Variants in MED13 observed in about 807,000 individuals in gnomAD.
MED13 encodes mediator of RNA polymerase II transcription subunit 13.
MED13 carries 23 observed loss-of-function variants against 225.2 expected under a neutral mutation model. The ratio of observed to expected loss-of-function variants is 0.10; its 90% CI spans 0.07 to 0.14. MED13 has a LOEUF of 0.14. Ranked by LOEUF, MED13 falls within the 10% of genes least tolerant of loss-of-function variation. The pLI is 1.00. For missense variants in MED13, 2,197 were observed against 2,594.5 expected, an observed-to-expected ratio of 0.85 and a Z score of 3.33; for synonymous variants, 942 against 889.2, an observed-to-expected ratio of 1.06 and a Z score of -1.06.
intron 2 of MED13, among the ~76,000 whole-genome samples, chr17:62,060,735 T>C (rs1410846429): frequency 6.6e-6 from 1 of 151,514 alleles, no homozygotes; most frequent in African/African-American, 2.4e-5. Context: ...AGTCTCACTC[T>C]GTCGCCCAGG....
Position 61,950,868 on chromosome 17 carries a change from G to T in MED13, c.6248C>A (p.Ser2083Ter). Residue 2083 changes from serine to a stop codon, truncating the protein, a stop_gained, in exon 28 of 30, where the codon TCA (serine) becomes TAA (stop). Transcript: ENST00000397786. LOFTEE classifies it high-confidence loss of function. The stretch of plus-strand genomic sequence containing the variant: ...CTGATATTGTGCTTGAGGACATGCT[G>T]ACCAGAACCAGTCAGGTAATGGACC... ...KAGPLPDWFW[S>*]ACPQAQYQCP... 1.2e-6 allele frequency: 2 copies of T among 1,613,838 alleles called. No homozygotes were observed. Among genetic ancestry groups the T allele is most frequent in the South Asian group, 2.2e-5 (2 of 91,006 alleles).
intron 11 of MED13, among the ~76,000 whole-genome samples, 197 bp downstream of exon 11, chr17:61,992,343 T>C (rs1405928711): frequency 2.0e-5 from 3 of 152,150 alleles, no homozygotes; most frequent in Non-Finnish European, 2.9e-5. Context: ...CTGCAACAAT[T>C]AAAAACACAA....
chr17:61,947,293 A>G (rs2079859012), intron 28 of MED13, among the ~76,000 whole-genome samples: 1 of 151,782 alleles, frequency 6.6e-6, no homozygotes, highest in South Asian at 2.1e-4. Context: ...TTGGCCTCCC[A>G]AAGTGCTGGG....
intron 3 of MED13, among the ~76,000 whole-genome samples, chr17:62,043,090 A>G (rs1025674109): frequency 1.5e-5 from 2 of 132,384 alleles, no homozygotes; most frequent in Non-Finnish European, 3.1e-5. Flanking sequence ...CAGGAGGCAG[A>G]GGTTGGAGTG....
At chr17:61,966,673 G>A (rs1283241430) in intron 18 of MED13, 22 bp from the exon 19 acceptor site, 1 of 1,485,580 alleles carries the variant, frequency 6.7e-7, no homozygotes, top group South Asian at 1.3e-5. Context: ...CATACAGAAA[G>A]CAGAATTAGT....
chr17:62,025,703 A>C (rs2080694563), intron 8 of MED13, among the ~76,000 whole-genome samples: 1 of 152,162 alleles, frequency 6.6e-6, no homozygotes, highest in African/African-American at 2.4e-5. Context: ...GGCCATACAA[A>C]ACAGGCAGTG....
intron 9 of MED13, among the ~76,000 whole-genome samples, chr17:62,008,407 A>C (rs2080475085): frequency 6.6e-6 from 1 of 151,736 alleles, no homozygotes; most frequent in African/African-American, 2.4e-5. Flanking sequence ...CCTGCTACAC[A>C]GATTCTTGTG....
In MED13 at chr17:62,016,373, A is replaced by C. The variant is rs1278359410; in HGVS notation, c.1284-5140T>G. 2.0e-5 allele frequency among the ~76,000 whole-genome samples: 3 copies of C among 152,122 alleles called. 1 individual carries two copies. Among genetic ancestry groups the C allele is most frequent in the Non-Finnish European group, 1.5e-5 (1 of 68,018 alleles). Reference sequence around the variant, plus strand: ...TTTTTGAATACTTTCAATGACAAGGACCATACTACTGTATAAGGAGATGCA... The same window carrying C: ...TTTTTGAATACTTTCAATGACAAGGCCCATACTACTGTATAAGGAGATGCA... On this transcript the variant is annotated intron_variant, in intron 8 of 29. Coordinates refer to ENST00000397786, the MANE Select transcript of MED13 (RefSeq NM_005121.3).
At chr17:62,008,931 A>G (rs1457994704) in intron 9 of MED13, among the ~76,000 whole-genome samples, 1 of 152,222 alleles carries the variant, frequency 6.6e-6, no homozygotes, top group Non-Finnish European at 1.5e-5. Context: ...AGCTACATTA[A>G]AAAATAAACA....
Position 62,047,555 on chromosome 17 carries a change from G to A in MED13, c.470+4982C>T, listed in dbSNP as rs2080909319. Among the ~76,000 whole-genome samples, 7 of 151,994 alleles carry A rather than the reference G, an allele frequency of 4.6e-5. No homozygotes were observed. The South Asian group carries it at 1.5e-3, about 32-fold the overall frequency. On this transcript the variant is annotated intron_variant, in intron 3 of 29. Coordinates refer to ENST00000397786, the MANE Select transcript of MED13 (RefSeq NM_005121.3). Reference sequence around the variant, plus strand: ...AACATCACAGACTGGGGCCTGTTAGGGGATAGGGAGCATGGAGAGGGAGAG... The same window carrying A: ...AACATCACAGACTGGGGCCTGTTAGAGGATAGGGAGCATGGAGAGGGAGAG...
At chr17:61,966,377 A>G (rs758036647) in intron 19 of MED13, 85 bp downstream of exon 19, 46 of 1,096,370 alleles carry the variant, frequency 4.2e-5, no homozygotes, top group Non-Finnish European at 4.1e-5. Context: ...CTGTGTTCCA[A>G]TAAAATTTTA....
chr17:62,028,064 G>A (rs1042217571), intron 8 of MED13, among the ~76,000 whole-genome samples: 2 of 152,114 alleles, frequency 1.3e-5, no homozygotes, highest in African/African-American at 4.8e-5. Flanking sequence ...TATACCCAGG[G>A]AATATAAATC....
At chr17:62,035,161 T>C (rs1226139247) in intron 4 of MED13, among the ~76,000 whole-genome samples, 1 of 151,996 alleles carries the variant, frequency 6.6e-6, no homozygotes, top group Admixed American at 6.6e-5. Flanking sequence ...ATATGGCTTA[T>C]ATGACCTGAC....
At chr17:62,030,981 GCT>G (rs1348603962) in intron 6 of MED13, 8 of 152,490 alleles carry the variant, frequency 5.2e-5, no homozygotes, top group African/African-American at 1.7e-4. Flanking sequence ...GCAATGGGCT[GCT>G]CTGTTGGAGT....
chr17:62,011,628 T>C (rs944535186), intron 8 of MED13, among the ~76,000 whole-genome samples: 1 of 152,218 alleles, frequency 6.6e-6, no homozygotes, highest in Non-Finnish European at 1.5e-5. Context: ...GTAATTATTA[T>C]AAATTAATGG....
intron 8 of MED13, among the ~76,000 whole-genome samples, chr17:62,018,715 CAAA>C (rs200425824): frequency 7.2e-5 from 9 of 124,776 alleles, no homozygotes; most frequent in Admixed American, 1.7e-4. Flanking sequence ...GACCCTATCT[CAAA>C]AAAAAAAAAA....
At chr17:62,048,020 A>ATATACG (rs1277111560) in intron 3 of MED13, among the ~76,000 whole-genome samples, 1 of 82,214 alleles carries the variant, frequency 1.2e-5, no homozygotes, top group African/African-American at 7.2e-5. Flanking sequence ...ATATATACAT[A>ATATACG]TATACATATA....
intron 2 of MED13, among the ~76,000 whole-genome samples, chr17:62,054,962 G>A (rs2080985107): frequency 6.6e-6 from 1 of 152,182 alleles, no homozygotes; most frequent in South Asian, 2.1e-4. Context: ...AAGTATCAAG[G>A]TTGTACAGTT....
At chr17:61,993,509 G>A (rs1024922091) in intron 10 of MED13, among the ~76,000 whole-genome samples, 6 of 151,646 alleles carry the variant, frequency 4.0e-5, no homozygotes, top group South Asian at 2.1e-4. Context: ...GCCGGTTCAC[G>A]TTCTTTCTAT....
Sources: gnomAD v4.1 joint callset for allele counts (sites outside exome capture counted in the v4.1 genomes callset) on GRCh38, gnomAD v4.1.1 for gene constraint, MANE v1.5 for transcripts, NCBI Gene and HGNC (gene_info 2026-07-23, HGNC 2026-07-21) for gene names.